Variants in REPS2 observed in about 807,000 individuals in gnomAD.
REPS2 encodes the protein RALBP1 associated Eps domain containing 2.
Under a neutral mutation model 53.6 loss-of-function variants are expected in REPS2, and 23 were observed. That is an observed-to-expected ratio of 0.43 (90% CI 0.31 to 0.61). The LOEUF is 0.61. Among genes scored for constraint, REPS2 ranks in the 20% least tolerant of loss-of-function variants. The pLI is 0.11. For synonymous variants in REPS2, 238 were observed against 218.6 expected (o/e 1.09, Z -0.78); for missense variants, 446 against 534.9 (o/e 0.83, Z 1.64).
At chrX:17,189,989 A>G in the REPS2 span, among the ~76,000 whole-genome samples, 1 of 112,010 alleles carries the variant, frequency 8.9e-6, no homozygotes, top group Non-Finnish European at 1.9e-5. Context: ...TATTGGGGCT[A>G]TTTGTTACCA....
chrX:17,102,023 TTTATTTTATG>T (rs1288467408), intron 13 of REPS2, among the ~76,000 whole-genome samples: 56 of 93,888 alleles, frequency 6.0e-4, no homozygotes, highest in African/African-American at 1.4e-3. Flanking sequence ...TTTATTTTAT[TTTATTTTATG>T]TTATGTTATG....
chrX:17,106,571 G>T (rs1043721504), intron 14 of REPS2, among the ~76,000 whole-genome samples: 1 of 109,087 alleles, frequency 9.2e-6, no homozygotes, highest in Non-Finnish European at 1.9e-5. Flanking sequence ...CTGCCACCAC[G>T]CCCGGTTAAT....
chrX:17,101,251 A>C (rs1266851964), intron 13 of REPS2, among the ~76,000 whole-genome samples: 2 of 108,049 alleles, frequency 1.9e-5, no homozygotes, highest in Non-Finnish European at 3.8e-5. Context: ...TTTAGTAGAG[A>C]TGGGGTTTCA....
intron 14 of REPS2, among the ~76,000 whole-genome samples, chrX:17,118,578 A>G (rs889787760): frequency 1.8e-5 from 2 of 112,283 alleles, no homozygotes; most frequent in Non-Finnish European, 1.9e-5. Flanking sequence ...TGTAGAAGAA[A>G]AGGGCTGGAA....
intron 1 of REPS2, among the ~76,000 whole-genome samples, chrX:16,998,768 G>A (rs1352323841): frequency 4.5e-5 from 5 of 112,162 alleles, no homozygotes; most frequent in African/African-American, 1.3e-4. Context: ...AACAGCAGAT[G>A]CTAGGTATTT....
chrX:17,112,816 C>CAGTG (rs2062989107), intron 14 of REPS2, among the ~76,000 whole-genome samples: 1 of 110,415 alleles, frequency 9.1e-6, no homozygotes, highest in South Asian at 3.8e-4. Context: ...AGGCTGGGCA[C>CAGTG]AGTGGCTCAC....
chrX:17,164,756 A>T, the REPS2 span, among the ~76,000 whole-genome samples: 20 of 111,923 alleles, frequency 1.8e-4, no homozygotes, highest in Middle Eastern at 4.2e-3. Flanking sequence ...GAAAAACAAC[A>T]GAAAACTAAA....
intron 8 of REPS2, among the ~76,000 whole-genome samples, chrX:17,060,195 C>T (rs1279641622): frequency 4.5e-5 from 5 of 110,224 alleles, no homozygotes; most frequent in African/African-American, 1.3e-4. Flanking sequence ...CCCAGCTACT[C>T]GGGTGGCTGA....
At chrX:17,087,924 C>CAATA (rs1284085860) in intron 13 of REPS2, among the ~76,000 whole-genome samples, 1 of 91,304 alleles carries the variant, frequency 1.1e-5, no homozygotes, top group East Asian at 3.6e-4. Flanking sequence ...GAGACTCTGT[C>CAATA]GATAGATAGA....
chrX:17,062,548 A>G lies in REPS2; in HGVS notation c.1209+16A>G, dbSNP rs2062172737. ...TCGGATGGAGGTAAAAGATCTTCAT[A>G]TGCTAATAAATAAGGATGTGTATGG... is the stretch of plus-strand genomic sequence containing the variant. On this transcript the variant is annotated intron_variant, in intron 9 of 17. Coordinates refer to ENST00000357277, the MANE Select transcript of REPS2 (RefSeq NM_004726.3). 3 of 1,114,856 alleles carry G rather than the reference A, an allele frequency of 2.7e-6. No individual in the cohort carries two copies. Among genetic ancestry groups the G allele is most frequent in the Admixed American group, 2.3e-5 (1 of 43,024 alleles). 91.9% of individuals were successfully genotyped at this position (1,114,856 alleles called of 1,213,427 possible). A position where few individuals can be genotyped will look rare whatever the true frequency, so the allele number is the denominator to read the frequency against.
At position 16,982,444 on chromosome X, in the gene REPS2, A is replaced by G. The variant is rs752308376; in HGVS notation, c.274-23777A>G. On this transcript the variant is annotated intron_variant, in intron 1 of 17. Coordinates refer to ENST00000357277, the MANE Select transcript of REPS2 (RefSeq NM_004726.3). ...TTTAGGAACTGTTCACTTCCATAGA[A>G]CAGTTTGCAAATCAGTGTTAAAGTG... 5.4e-5 allele frequency among the ~76,000 whole-genome samples: 6 copies of G among 112,114 alleles called. No homozygotes were observed. The South Asian group carries it at 2.2e-3, about 41-fold the overall frequency.
At chrX:17,134,309 T>C (rs2063332886) in intron 15 of REPS2, among the ~76,000 whole-genome samples, 1 of 111,637 alleles carries the variant, frequency 9.0e-6, no homozygotes, top group African/African-American at 3.3e-5. Context: ...CATCGTGGCA[T>C]TTTCACCTGG....
intron 4 of REPS2, among the ~76,000 whole-genome samples, chrX:17,027,478 T>C (rs1463665893): frequency 9.0e-6 from 1 of 111,523 alleles, no homozygotes; most frequent in Non-Finnish European, 1.9e-5. Context: ...TTGAGTTGTT[T>C]CCAGTGTTTG....
chrX:17,034,636 A>G (rs906204694), intron 5 of REPS2, among the ~76,000 whole-genome samples: 1 of 112,368 alleles, frequency 8.9e-6, no homozygotes, highest in Non-Finnish European at 1.9e-5. Flanking sequence ...AGATTGCACT[A>G]GAAAAAATTA....
At chrX:17,052,258 A>G (rs1804520615) in intron 6 of REPS2, 124 bp from the exon 7 acceptor site, 2 of 469,544 alleles carry the variant, frequency 4.3e-6, no homozygotes, top group Admixed American at 8.5e-5. Context: ...TTTGAGGAAT[A>G]AATATGTTTG....
intron 11 of REPS2, among the ~76,000 whole-genome samples, chrX:17,072,551 G>A (rs2062322511): frequency 8.9e-6 from 1 of 112,506 alleles, no homozygotes; most frequent in South Asian, 3.7e-4. Flanking sequence ...AAAAGACAAA[G>A]ATAATGGCAC....
At chrX:17,085,459 C>T (rs745489610) in intron 13 of REPS2, among the ~76,000 whole-genome samples, 6 of 111,755 alleles carry the variant, frequency 5.4e-5, no homozygotes, top group African/African-American at 1.6e-4. Flanking sequence ...ATTTGTATAT[C>T]AGTTTGGTTA....
At chrX:16,988,122 TA>T (rs1045811585) in intron 1 of REPS2, among the ~76,000 whole-genome samples, 10 of 107,170 alleles carry the variant, frequency 9.3e-5, no homozygotes, top group Non-Finnish European at 1.6e-4. Context: ...AAAGTAAAAA[TA>T]AAAAAAAAAT....
intron 17 of REPS2, among the ~76,000 whole-genome samples, chrX:17,143,853 C>T (rs776485033): frequency 1.8e-5 from 2 of 111,079 alleles, no homozygotes; most frequent in Non-Finnish European, 3.8e-5. Flanking sequence ...TTTTTATGGT[C>T]ATTTTTCTTT....
Sources: allele counts gnomAD v4.1 joint callset (sites outside exome capture counted in the v4.1 genomes callset), GRCh38; gene constraint gnomAD v4.1.1; transcripts MANE v1.5; gene names NCBI Gene and HGNC (gene_info 2026-07-23, HGNC 2026-07-21).